The following RAP1GAP variants were observed in gnomAD, a reference collection of about 807,000 sequenced individuals.
RAP1GAP encodes the protein rap1 GTPase-activating protein 1.
A neutral mutation model predicts 87.2 loss-of-function variants in RAP1GAP; 35 were observed. The ratio of observed to expected loss-of-function variants is 0.40; its 90% CI spans 0.31 to 0.53. RAP1GAP has a LOEUF of 0.53. RAP1GAP is among the 20% of genes least tolerant of loss of function. The probability of loss-of-function intolerance (pLI) is 0.48; values close to 1 mark genes in which losing one functional copy is unlikely to be tolerated. For missense variants in RAP1GAP, 734 were observed against 898.9 expected (o/e 0.82, Z 2.35); for synonymous variants, 375 against 363.9 (o/e 1.03, Z -0.35).
Position 21,664,531 on chromosome 1 carries a change from C to T in RAP1GAP, c.-149+4723G>A, listed in dbSNP as rs947882633. 5.3e-5 allele frequency among the ~76,000 whole-genome samples: 8 copies of T among 152,200 alleles called. No homozygotes were observed. In the South Asian group the frequency reaches 8.3e-4, roughly 16 times the overall value. ...CCCTTGCCCACGCCGTAGCTGGTCT[C>T]GCCTCCAGGAGCGCCTCCACTTCTC... is the stretch of plus-strand genomic sequence containing the variant. On this transcript the variant is annotated intron_variant, in intron 1 of 24. Transcript: ENST00000374765.
At position 21,609,686 on chromosome 1, in the gene RAP1GAP, G is replaced by T. The variant is rs763310480; in HGVS notation, c.1000-40C>A. On this transcript the variant is annotated intron_variant, in intron 14 of 24. Coordinates refer to ENST00000374765, the MANE Select transcript of RAP1GAP (RefSeq NM_002885.4). This position sits in a 1 kb window ranked among gnomAD's most constrained non-coding sequence, Gnocchi z 4.4. The stretch of plus-strand genomic sequence containing the variant: ...AGCTGTCTGTTCCTGTGGAGCCTGG[G>T]GTCTGCTCTGCCCCACCCAGCCAGA... 1 of 1,474,388 alleles carries T rather than the reference G, an allele frequency of 6.8e-7. No individual in the cohort carries two copies. Among genetic ancestry groups the T allele is most frequent in the Non-Finnish European group, 9.1e-7 (1 of 1,095,160 alleles). The allele number at this position is 1,474,388 out of a possible 1,614,324, so 91.3% of individuals were successfully genotyped here. A position where few individuals can be genotyped will look rare whatever the true frequency, so the allele number is the denominator to read the frequency against.
At chr1:21,608,143 C>T (rs2075998003) in intron 17 of RAP1GAP, 70 bp downstream of exon 17, 1 of 1,575,352 alleles carries the variant, frequency 6.3e-7, no homozygotes, top group Non-Finnish European at 8.6e-7. Flanking sequence ...ATCAGTCTAT[C>T]AGCCTCAGCC....
At chr1:21,636,950 G>T (rs1304812645) in intron 2 of RAP1GAP, among the ~76,000 whole-genome samples, 2 of 134,632 alleles carry the variant, frequency 1.5e-5, no homozygotes, top group East Asian at 4.8e-4. Context: ...GGGAGGAAGG[G>T]AGGGAGGGAG....
chr1:21,639,817 C>G (rs889358190), intron 2 of RAP1GAP, among the ~76,000 whole-genome samples: 6 of 152,162 alleles, frequency 3.9e-5, no homozygotes, highest in African/African-American at 1.4e-4. Context: ...CCGGGTGTTC[C>G]GCAGCTCTGC....
In RAP1GAP at chr1:21,609,013, G is replaced by A. The variant is rs2076560032; in HGVS notation, c.1072-77C>T. 8.1e-7 allele frequency: 1 copy of A among 1,231,318 alleles called. No homozygotes were observed. Among genetic ancestry groups the A allele is most frequent in the African/African-American group, 1.5e-5 (1 of 67,800 alleles). The allele number at this position is 1,231,318 out of a possible 1,614,324, so 76.3% of individuals were successfully genotyped here. ...TAAACAAGGGTCGGAACCCCAACGAGGCAGAGGCTGCAGCTCCTGAACCAT... is the reference window on the plus strand; with the variant it reads ...TAAACAAGGGTCGGAACCCCAACGAAGCAGAGGCTGCAGCTCCTGAACCAT... On this transcript the variant is annotated intron_variant, in intron 15 of 24. Coordinates refer to ENST00000374765, the MANE Select transcript of RAP1GAP (RefSeq NM_002885.4). This position sits in a 1 kb window ranked among gnomAD's most constrained non-coding sequence, Gnocchi z 4.4.
intron 2 of RAP1GAP, among the ~76,000 whole-genome samples, chr1:21,630,602 G>A (rs1443389203): frequency 1.3e-5 from 2 of 152,032 alleles, no homozygotes; most frequent in African/African-American, 2.4e-5. Context: ...ACCCAAGCTG[G>A]AGTGCAGTGG....
chr1:21,650,542 C>T (rs1377024407), intron 1 of RAP1GAP, among the ~76,000 whole-genome samples: 1 of 152,174 alleles, frequency 6.6e-6, no homozygotes, highest in Non-Finnish European at 1.5e-5. Context: ...CGCCTCCTGC[C>T]CAGAGGTAAG....
rs1000778903 is a variant in RAP1GAP at position 21,617,375 on chromosome 1, C to A, written c.222G>T (p.Ser74=). ...TSIPETEPLQ[S]PTTKVKLECN... is the part of the protein sequence containing the mutation. ...ACTCGAGCTTCACCTTGGTTGTGGG[C>A]GACTGCAGTGGCTCTGTCTCGGGGA... Residue 74 remains serine, a synonymous_variant, in exon 7 of 25, where the codon TCG becomes TCT. Coordinates refer to ENST00000374765, the MANE Select transcript of RAP1GAP (RefSeq NM_002885.4). 2 of 1,601,010 alleles carry A rather than the reference C, an allele frequency of 1.2e-6. No homozygotes were observed. The highest frequency in any genetic ancestry group is 1.7e-5 in the Admixed American group (1 of 57,756).
intron 1 of RAP1GAP, among the ~76,000 whole-genome samples, chr1:21,656,512 T>C (rs1015257985): frequency 1.3e-5 from 2 of 150,612 alleles, no homozygotes; most frequent in Non-Finnish European, 2.9e-5. Flanking sequence ...TCTGAAAGTA[T>C]CATTATCCTT....
intron 2 of RAP1GAP, among the ~76,000 whole-genome samples, chr1:21,631,561 CT>C (rs1323977859): frequency 2.6e-5 from 4 of 152,152 alleles, no homozygotes; most frequent in Non-Finnish European, 5.9e-5. Flanking sequence ...TGCCACGCGC[CT>C]GTAATCCTAG....
rs373202175 is a variant in RAP1GAP, at chr1:21,614,769, G to T, written c.292-680C>A. ...CTCCGGGTGGGGAAGTCCCAAAGCC[G>T]AGGGCTGGAAGTTCAGGGAGACACC... On this transcript the variant is annotated intron_variant, in intron 7 of 24. Transcript: ENST00000374765. Among the ~76,000 whole-genome samples, 42 of 152,236 alleles carry T rather than the reference G, an allele frequency of 2.8e-4. 1 individual carries two copies. The East Asian group carries it at 7.1e-3, about 26-fold the overall frequency.
chr1:21,640,704 C>A (rs1044145330), intron 2 of RAP1GAP, among the ~76,000 whole-genome samples: 1 of 129,654 alleles, frequency 7.7e-6, no homozygotes, highest in African/African-American at 3.1e-5. Context: ...AGGGTCTTTG[C>A]GCCAGGTAGA....
rs1248815569 is a variant in RAP1GAP at position 21,603,277 on chromosome 1, G to A, written c.1429-364C>T. ...CTAAGGGCAGTGGTCAGAGGGCAGT[G>A]TAGCAACCCAAGTCCCACCCCGTGC... is the stretch of plus-strand genomic sequence containing the variant. On this transcript the variant is annotated intron_variant, in intron 18 of 24. Transcript: ENST00000374765. This position sits in a 1 kb window ranked among gnomAD's most constrained non-coding sequence, Gnocchi z 6.0. 3 of 395,626 alleles carry A rather than the reference G, an allele frequency of 7.6e-6. No individual in the cohort carries two copies. In the East Asian group the frequency reaches 1.4e-4, roughly 18 times the overall value. 24.5% of individuals were successfully genotyped at this position (395,626 alleles called of 1,614,324 possible).
At chr1:21,665,807 G>A (rs1172844572) in intron 1 of RAP1GAP, among the ~76,000 whole-genome samples, 6 of 152,212 alleles carry the variant, frequency 3.9e-5, no homozygotes, top group Admixed American at 1.3e-4. Flanking sequence ...TGAGACTGGC[G>A]ACCCCTGCTT....
intron 23 of RAP1GAP, 49 bp downstream of exon 23, chr1:21,597,912 C>A: frequency 6.5e-7 from 1 of 1,531,746 alleles, no homozygotes; most frequent in East Asian, 2.4e-5. Flanking sequence ...CAGCTCATCC[C>A]CTCCCGGGTG....
intron 2 of RAP1GAP, among the ~76,000 whole-genome samples, chr1:21,648,524 C>T (rs1018241625): frequency 6.2e-5 from 9 of 146,234 alleles, no homozygotes; most frequent in African/African-American, 1.0e-4. Context: ...ATAATAGTCC[C>T]TAACTCTGAG....
chr1:21,666,753 G>A (rs984981087), intron 1 of RAP1GAP, among the ~76,000 whole-genome samples: 6 of 151,908 alleles, frequency 3.9e-5, no homozygotes, highest in Non-Finnish European at 7.4e-5. Context: ...GTGGGTGCAT[G>A]TGCGTGTCTG....
intron 2 of RAP1GAP, among the ~76,000 whole-genome samples, chr1:21,645,435 G>GC (rs1247725251): frequency 1.3e-5 from 2 of 152,032 alleles, no homozygotes; most frequent in African/African-American, 4.8e-5. Flanking sequence ...AGCTGAGATT[G>GC]CCCCACTGCA....
At chr1:21,651,920 G>A in intron 1 of RAP1GAP, 2 of 948,180 alleles carry the variant, frequency 2.1e-6, no homozygotes, top group South Asian at 4.7e-5. Context: ...CCCCGCCCCC[G>A]CCCCAGCTCG....
Sources: allele counts gnomAD v4.1 joint callset (sites outside exome capture counted in the v4.1 genomes callset), GRCh38; gene constraint gnomAD v4.1.1; non-coding constraint Gnocchi (gnomAD v3.1); transcripts MANE v1.5; gene names NCBI Gene and HGNC (gene_info 2026-07-23, HGNC 2026-07-21).